DLG1: variants seen among roughly 807,000 people sequenced by gnomAD.
DLG1 encodes discs large MAGUK scaffold protein 1.
Under a neutral mutation model 123.4 loss-of-function variants are expected in DLG1, and 42 were observed. The ratio of observed to expected loss-of-function variants is 0.34; its 90% CI spans 0.27 to 0.44. The LOEUF (loss-of-function observed/expected upper bound fraction) is 0.44, where lower values mean the gene tolerates loss of function less well. Ranked by LOEUF, DLG1 falls within the 20% of genes least tolerant of loss-of-function variation. The pLI, the probability that DLG1 is intolerant of heterozygous loss-of-function variation, is 1.00. For synonymous variants in DLG1, 317 were observed against 356.2 expected (o/e 0.89, Z 1.24); for missense variants, 942 against 1,082.6 (o/e 0.87, Z 1.82).
chr3:197,231,912 A>G (rs1743335008), intron 4 of DLG1, among the ~76,000 whole-genome samples: 1 of 152,224 alleles, frequency 6.6e-6, no homozygotes, highest in African/African-American at 2.4e-5. Context: ...GCCAATTAGA[A>G]GAAATGAACA....
chr3:197,181,914 C>G (rs1712301021), intron 5 of DLG1, among the ~76,000 whole-genome samples: 1 of 152,240 alleles, frequency 6.6e-6, no homozygotes, highest in Admixed American at 6.5e-5. Context: ...GAGCTGACTG[C>G]GAACAGGGGT....
intron 4 of DLG1, among the ~76,000 whole-genome samples, chr3:197,248,929 G>A (rs540053209): frequency 7.9e-5 from 12 of 152,190 alleles, no homozygotes; most frequent in African/African-American, 2.6e-4. Flanking sequence ...CAAGAGTGAG[G>A]TATGATCACT....
chr3:197,273,194 G>GTGTGTA (rs1189012056), intron 4 of DLG1, among the ~76,000 whole-genome samples: 3 of 150,454 alleles, frequency 2.0e-5, no homozygotes, highest in African/African-American at 7.3e-5. Context: ...ATATATGTGT[G>GTGTGTA]TGTGTGTGTG....
intron 5 of DLG1, 97 bp from the exon 6 acceptor site, chr3:197,149,893 A>C (rs1793032878): frequency 4.0e-6 from 3 of 751,888 alleles, no homozygotes; most frequent in Admixed American, 4.6e-5. Flanking sequence ...GCTATTTCTT[A>C]AGTTATAATC....
At chr3:197,277,159 T>A (rs947997660) in intron 4 of DLG1, among the ~76,000 whole-genome samples, 2 of 152,040 alleles carry the variant, frequency 1.3e-5, no homozygotes, top group African/African-American at 2.4e-5. Flanking sequence ...CCCAAAGTGC[T>A]GGAATTACAG....
intron 2 of DLG1, 138 bp downstream of exon 2, chr3:197,297,048 C>T: frequency 1.1e-6 from 1 of 896,828 alleles, no homozygotes; most frequent in South Asian, 1.5e-5. Flanking sequence ...TGATATGAGG[C>T]TTAGATTCCC....
chr3:197,259,539 G>C (rs530723689), intron 4 of DLG1, among the ~76,000 whole-genome samples: 6 of 151,998 alleles, frequency 3.9e-5, no homozygotes, highest in Admixed American at 6.6e-5. Flanking sequence ...ATGAGACATC[G>C]TAAGTGCATA....
At position 197,089,432 on chromosome 3, in the gene DLG1, C is replaced by T. The variant is rs1031750989; in HGVS notation, c.1661+1480G>A. The stretch of plus-strand genomic sequence containing the variant: ...GTCCCAGCTACTTGGGGGGCTGAGG[C>T]GGAAGGATCCCTTGAACCCGGGAGG... On this transcript the variant is annotated intron_variant, in intron 15 of 24. Coordinates refer to ENST00000667157, the MANE Select transcript of DLG1 (RefSeq NM_001366207.1). 2.0e-5 allele frequency among the ~76,000 whole-genome samples: 3 copies of T among 151,248 alleles called. No individual in the cohort carries two copies. The East Asian group carries it at 5.8e-4, about 29-fold the overall frequency.
chr3:197,178,244 T>A (rs1303355447), intron 5 of DLG1, among the ~76,000 whole-genome samples: 1 of 152,130 alleles, frequency 6.6e-6, no homozygotes, highest in Non-Finnish European at 1.5e-5. Context: ...TATTATTGAA[T>A]CAGTAGTTGC....
intron 18 of DLG1, among the ~76,000 whole-genome samples, chr3:197,076,282 T>TTGAATGTA (rs1747226324): frequency 6.6e-6 from 1 of 152,220 alleles, no homozygotes; most frequent in Non-Finnish European, 1.5e-5. Flanking sequence ...AAAATATTCT[T>TTGAATGTA]TGAATGTATG....
intron 8 of DLG1, among the ~76,000 whole-genome samples, chr3:197,138,717 A>G (rs1786361750): frequency 6.6e-6 from 1 of 152,238 alleles, no homozygotes; most frequent in Admixed American, 6.5e-5. Context: ...TTATAAAAAT[A>G]GCAAACATTT....
chr3:197,102,052 C>A (rs1763771421), intron 14 of DLG1, among the ~76,000 whole-genome samples: 1 of 152,198 alleles, frequency 6.6e-6, no homozygotes, highest in African/African-American at 2.4e-5. Context: ...CCACCACGTC[C>A]AGCTAATTTC....
intron 4 of DLG1, among the ~76,000 whole-genome samples, chr3:197,238,650 C>A (rs548734338): frequency 6.6e-6 from 1 of 152,112 alleles, no homozygotes; most frequent in Admixed American, 6.6e-5. Flanking sequence ...CCAGCTACAA[C>A]TGGATGAAGT....
chr3:197,127,927 G>A (rs924372613), intron 11 of DLG1, among the ~76,000 whole-genome samples: 4 of 151,882 alleles, frequency 2.6e-5, no homozygotes, highest in Admixed American at 6.6e-5. Context: ...AAAAAAAACC[G>A]CTAGCAATCA....
intron 5 of DLG1, chr3:197,184,217 G>T (rs533885316): frequency 1.5e-6 from 1 of 652,926 alleles, no homozygotes; most frequent in South Asian, 6.4e-5. Context: ...AGACCCTGTG[G>T]GGCTGCCTGA....
rs528887186 is a variant in DLG1, at chr3:197,067,119, C to T, written c.2048-365G>A. Among the ~76,000 whole-genome samples the T allele has an allele frequency of 5.3e-5, 8 of 152,096 alleles. No individual in the cohort carries two copies. In the East Asian group the frequency reaches 9.6e-4, roughly 18 times the overall value. Reference sequence around the variant, plus strand: ...AGCAGATCTGTCTATCATCTATCTACGTATTAGGTAATTTGTTACTATTAA... The same window carrying T: ...AGCAGATCTGTCTATCATCTATCTATGTATTAGGTAATTTGTTACTATTAA... On this transcript the variant is annotated intron_variant, in intron 19 of 24. Coordinates refer to ENST00000667157, the MANE Select transcript of DLG1 (RefSeq NM_001366207.1).
At chr3:197,244,561 G>A in intron 4 of DLG1, among the ~76,000 whole-genome samples, 1 of 151,316 alleles carries the variant, frequency 6.6e-6, no homozygotes, top group East Asian at 1.9e-4. Flanking sequence ...CAGTAGAGAG[G>A]GGAAAGAAAA....
chr3:197,266,150 A>G (rs1560075703), intron 4 of DLG1, among the ~76,000 whole-genome samples: 1 of 152,202 alleles, frequency 6.6e-6, no homozygotes, highest in Non-Finnish European at 1.5e-5. Flanking sequence ...GAATAAAAAA[A>G]TATCTAGGCC....
chr3:197,124,547 T>C (rs1223872666), intron 11 of DLG1, among the ~76,000 whole-genome samples: 1 of 152,100 alleles, frequency 6.6e-6, no homozygotes, highest in African/African-American at 2.4e-5. Context: ...GTGCTGGGAT[T>C]ACAGGCGTGA....
Sources: allele counts gnomAD v4.1 joint callset (sites outside exome capture counted in the v4.1 genomes callset), GRCh38; gene constraint gnomAD v4.1.1; transcripts MANE v1.5; gene names NCBI Gene and HGNC (gene_info 2026-07-23, HGNC 2026-07-21).